WDR72: variants seen among roughly 807,000 people sequenced by gnomAD.
The protein encoded by WDR72 is WD repeat-containing protein 72.
WDR72 carries 120 observed loss-of-function variants against 124.2 expected under a neutral mutation model. The ratio of observed to expected loss-of-function variants is 0.97; its 90% confidence interval spans 0.83 to 1.12. The LOEUF is 1.12. Ranked by LOEUF, WDR72 falls within the 50% of genes most tolerant of loss-of-function variation. The pLI, the probability that WDR72 is intolerant of heterozygous loss-of-function variation, is 0.00. For missense variants in WDR72, 1,387 were observed against 1,278.8 expected (o/e 1.08, Z -1.29); for synonymous variants, 452 against 441.7 (o/e 1.02, Z -0.29).
At chr15:53,598,087 G>T (rs548351369) in intron 17 of WDR72, among the ~76,000 whole-genome samples, 16 of 152,254 alleles carry the variant, frequency 1.1e-4, no homozygotes, top group Non-Finnish European at 1.9e-4. Context: ...ATGAGGCAAG[G>T]TCTAGCAGTT....
intron 1 of WDR72, among the ~76,000 whole-genome samples, chr15:53,745,845 C>T (rs1274934073): frequency 6.6e-6 from 1 of 151,928 alleles, no homozygotes; most frequent in Non-Finnish European, 1.5e-5. Flanking sequence ...CCAAAGTAAC[C>T]AAAGAAATGA....
intron 13 of WDR72, among the ~76,000 whole-genome samples, chr15:53,673,946 G>A (rs1021913605): frequency 2.0e-5 from 3 of 152,022 alleles, no homozygotes; most frequent in East Asian, 1.9e-4. Flanking sequence ...ACCTGAGATC[G>A]CGCCATTGCA....
intron 2 of WDR72, among the ~76,000 whole-genome samples, chr15:53,726,277 T>C (rs551108876): frequency 1.7e-5 from 2 of 119,632 alleles, no homozygotes; most frequent in African/African-American, 8.0e-5. Context: ...TATATATATA[T>C]ATATATATAC....
At chr15:53,662,094 T>A (rs2015627821) in intron 14 of WDR72, among the ~76,000 whole-genome samples, 1 of 152,106 alleles carries the variant, frequency 6.6e-6, no homozygotes, top group Admixed American at 6.6e-5. Context: ...GATTTTAGGG[T>A]GGTTATTTAT....
chr15:53,583,098 T>C (rs750751498), intron 18 of WDR72, among the ~76,000 whole-genome samples: 1 of 151,940 alleles, frequency 6.6e-6, no homozygotes, highest in African/African-American at 2.4e-5. Context: ...GAACCTGGGA[T>C]TGGCAAATAG....
chr15:53,564,080 C>T (rs1894216496), intron 18 of WDR72, among the ~76,000 whole-genome samples: 1 of 151,730 alleles, frequency 6.6e-6, no homozygotes, highest in Non-Finnish European at 1.5e-5. Context: ...ATCACAGAGT[C>T]AAAAAATATG....
chr15:53,587,414 T>C (rs1022586088), intron 18 of WDR72, among the ~76,000 whole-genome samples: 3 of 151,990 alleles, frequency 2.0e-5, no homozygotes, highest in South Asian at 2.1e-4. Context: ...TATGCATCAA[T>C]AGCAGTGGTC....
chr15:53,704,707 T>C (rs1350866669), intron 11 of WDR72, among the ~76,000 whole-genome samples: 1 of 130,914 alleles, frequency 7.6e-6, no homozygotes, highest in African/African-American at 2.8e-5. Flanking sequence ...TTTTTTTTTG[T>C]ATTTTTAGTA....
chr15:53,758,944 T>C (rs1355658616), intron 1 of WDR72, among the ~76,000 whole-genome samples: 10 of 152,082 alleles, frequency 6.6e-5, no homozygotes, highest in Admixed American at 6.5e-4. Flanking sequence ...GCATCACCTT[T>C]TCCAGATTTT....
At chr15:53,571,208 T>C (rs935258924) in intron 18 of WDR72, among the ~76,000 whole-genome samples, 2 of 152,036 alleles carry the variant, frequency 1.3e-5, no homozygotes, top group African/African-American at 4.8e-5. Context: ...ACTTGTGTGA[T>C]AGGATCATGA....
chr15:53,706,350 GTATATATATATA>G (rs56246540), intron 9 of WDR72, among the ~76,000 whole-genome samples: 40 of 25,728 alleles, frequency 1.6e-3, no homozygotes, highest in African/African-American at 3.7e-3. Flanking sequence ...GTGTGTGTGT[GTATATATATATA>G]TATATATATA....
intron 2 of WDR72, among the ~76,000 whole-genome samples, chr15:53,724,950 A>G (rs2017979617): frequency 6.6e-6 from 1 of 152,108 alleles, no homozygotes; most frequent in Non-Finnish European, 1.5e-5. Flanking sequence ...ATTACCTAAA[A>G]TTTCTAAAAT....
chr15:53,538,342 G>C lies in WDR72; in HGVS notation c.3149-15020C>G, dbSNP rs1195985281. ...GCACCATCACTTGTGCATGGTTCTTGATTGCTGCTTTTTTCCTGGTTTCCA... is the reference window on the plus strand; with the variant it reads ...GCACCATCACTTGTGCATGGTTCTTCATTGCTGCTTTTTTCCTGGTTTCCA... On this transcript the variant is annotated intron_variant, in intron 18 of 19. Transcript: ENST00000360509. Among the ~76,000 whole-genome samples, 3 of 152,132 alleles carry C rather than the reference G, an allele frequency of 2.0e-5. No individual in the cohort carries two copies. In the East Asian group the frequency reaches 5.8e-4, roughly 29 times the overall value.
chr15:53,551,935 G>C (rs925659765), intron 18 of WDR72, among the ~76,000 whole-genome samples: 1 of 152,084 alleles, frequency 6.6e-6, no homozygotes, highest in Non-Finnish European at 1.5e-5. Context: ...CTGTCTGGCA[G>C]TTGGTCTCTA....
chr15:53,567,052 T>G (rs1042769180), intron 18 of WDR72, among the ~76,000 whole-genome samples: 2 of 151,912 alleles, frequency 1.3e-5, no homozygotes, highest in Non-Finnish European at 2.9e-5. Context: ...TGGGAGTGAT[T>G]CCTGTGTACC....
chr15:53,657,712 G>A (rs35080048), intron 14 of WDR72, among the ~76,000 whole-genome samples: 5,388 of 152,192 alleles, frequency 0.035, 140 homozygotes, highest in Non-Finnish European at 0.052. Flanking sequence ...TTTATTCACT[G>A]AAAAATCTTA....
At chr15:53,627,215 T>C (rs1484684518) in intron 14 of WDR72, among the ~76,000 whole-genome samples, 1 of 152,190 alleles carries the variant, frequency 6.6e-6, no homozygotes, top group African/African-American at 2.4e-5. Flanking sequence ...ATATTTTTTA[T>C]TTATTATTTT....
intron 1 of WDR72, among the ~76,000 whole-genome samples, chr15:53,757,047 A>G (rs1244207834): frequency 1.3e-5 from 2 of 152,202 alleles, no homozygotes; most frequent in Admixed American, 6.5e-5. Context: ...CAGACCAAAG[A>G]TATCTCTCTC....
At chr15:53,560,748 T>C (rs1468365543) in intron 18 of WDR72, among the ~76,000 whole-genome samples, 1 of 151,852 alleles carries the variant, frequency 6.6e-6, no homozygotes, top group Non-Finnish European at 1.5e-5. Flanking sequence ...AATAATACAA[T>C]GGTATGACCC....
Sources: gnomAD v4.1 joint callset for allele counts (sites outside exome capture counted in the v4.1 genomes callset) on GRCh38, gnomAD v4.1.1 for gene constraint, MANE v1.5 for transcripts, NCBI Gene and HGNC (gene_info 2026-07-23, HGNC 2026-07-21) for gene names.